The following TRAM1 variants were observed in gnomAD, a reference collection of about 807,000 sequenced individuals.
TRAM1 encodes the protein translocating chain-associated membrane protein 1.
In TRAM1, 17 loss-of-function variants were observed where a neutral mutation model predicts 48.7. That is an observed-to-expected ratio of 0.35 (90% CI 0.24 to 0.52). The LOEUF is 0.52. Among genes scored for constraint, TRAM1 ranks in the 20% least tolerant of loss-of-function variants. The pLI is 0.94. For missense variants in TRAM1, 351 were observed against 441.5 expected (o/e 0.79, Z 1.84); for synonymous variants, 182 against 154.0 (o/e 1.18, Z -1.34).
intron 6 of TRAM1, among the ~76,000 whole-genome samples, chr8:70,593,116 TG>T: frequency 6.6e-6 from 1 of 152,250 alleles, no homozygotes; most frequent in African/African-American, 2.4e-5. Context: ...TCAATATAGC[TG>T]GAGAAACAAT....
Position 70,608,095 on chromosome 8 carries a change from C to T in TRAM1, c.105G>A (p.Leu35=). The change falls in exon 1 of 11, where the codon CTG becomes CTA. Residue 35 remains leucine (L), a synonymous_variant. Coordinates refer to ENST00000262213, the MANE Select transcript of TRAM1 (RefSeq NM_014294.6). The stretch of plus-strand genomic sequence containing the variant: ...GGCTCACCTCAAACATGAGCCCCAG[C>T]AGGAAGACCATCGCCACACAGGAGA... ...DIVSCVAMVF[L]LGLMFEITAK... is the part of the protein sequence containing the mutation. 1.3e-6 allele frequency: 2 copies of T among 1,597,816 alleles called. No homozygotes were observed. The highest frequency in any genetic ancestry group is 1.7e-6 in the Non-Finnish European group (2 of 1,173,262).
chr8:70,605,510 T>G (rs1391158166), intron 1 of TRAM1, among the ~76,000 whole-genome samples: 2 of 152,194 alleles, frequency 1.3e-5, no homozygotes, highest in African/African-American at 4.8e-5. Context: ...CCTCAATGTA[T>G]CTGCACAACA....
At position 70,598,352 on chromosome 8, in the gene TRAM1, C is replaced by T. The variant is rs1817535551; in HGVS notation, c.188-97G>A. 3.2e-6 allele frequency: 4 copies of T among 1,268,952 alleles called. No individual in the cohort carries two copies. In the Admixed American group the frequency reaches 1.1e-4, roughly 36 times the overall value. The allele number at this position is 1,268,952 out of a possible 1,614,324, so 78.6% of individuals were successfully genotyped here. The stretch of plus-strand genomic sequence containing the variant: ...AGTTATGGAAACAAAGAAGAATAAC[C>T]TAATAAAAAAGTTCTATATTAACAT... On this transcript the variant is annotated intron_variant, in intron 2 of 10. Transcript: ENST00000262213.
intron 1 of TRAM1, among the ~76,000 whole-genome samples, chr8:70,604,463 C>A (rs545619475): frequency 6.6e-6 from 1 of 152,258 alleles, no homozygotes; most frequent in African/African-American, 2.4e-5. Context: ...AGGGGAGGAT[C>A]ACTTGAGCCC....
rs1586747265 is a variant in TRAM1 at position 70,575,224 on chromosome 8, A to G, written c.1052-219T>C. 2.6e-5 allele frequency among the ~76,000 whole-genome samples: 4 copies of G among 152,350 alleles called. No homozygotes were observed. The South Asian group carries it at 8.3e-4, about 32-fold the overall frequency. On this transcript the variant is annotated intron_variant, in intron 10 of 10. Transcript: ENST00000262213. ...AGAAAACTACTATTAAAAGCAGAAA[A>G]AAGTGACAGCACAGAAAACTATAAA...
rs750199940 is a variant in TRAM1 at position 70,598,116 on chromosome 8, C to T, written c.309+18G>A. On this transcript the variant is annotated intron_variant, in intron 3 of 10. Coordinates refer to ENST00000262213, the MANE Select transcript of TRAM1 (RefSeq NM_014294.6). ...CTAGTACTTTATAAAGTATAGATTT[C>T]TAAGACTGCATACTTACATCCAACA... 9 of 1,606,530 alleles carry T rather than the reference C, an allele frequency of 5.6e-6. No individual in the cohort carries two copies. Among genetic ancestry groups the T allele is most frequent in the Non-Finnish European group, 6.8e-6 (8 of 1,176,492 alleles).
Position 70,594,539 on chromosome 8 carries a change from A to G in TRAM1, c.537T>C (p.Ala179=). Residue 179 remains alanine (A), a synonymous_variant, in exon 6 of 11, where the codon GCT becomes GCC. Transcript: ENST00000262213. ...YISQLAYWLH[A]FPELYFQKTK... is the part of the protein sequence containing the mutation. ...TTTTCTGGAAGTAGAGTTCAGGAAA[A>G]GCATGAAGCCAGTAAGCCAGCTGTG... 1 of 1,604,070 alleles carries G rather than the reference A, an allele frequency of 6.2e-7. No individual in the cohort carries two copies.
chr8:70,575,949 T>C (rs1018886112), intron 10 of TRAM1, among the ~76,000 whole-genome samples: 1 of 151,064 alleles, frequency 6.6e-6, no homozygotes, highest in African/African-American at 2.4e-5. Context: ...TGGTGGTGGG[T>C]GCCTGTAATC....
intron 9 of TRAM1, 67 bp from the exon 10 acceptor site, chr8:70,583,391 C>A: frequency 1.3e-6 from 2 of 1,491,366 alleles, no homozygotes; most frequent in South Asian, 2.6e-5. Context: ...ATTCTATCAT[C>A]TTTCATAGTA....
intron 2 of TRAM1, among the ~76,000 whole-genome samples, chr8:70,599,377 C>T (rs1018981054): frequency 6.6e-6 from 1 of 152,128 alleles, no homozygotes; most frequent in African/African-American, 2.4e-5. Flanking sequence ...ACTGCCTCAA[C>T]CAAAAAATAC....
At position 70,594,534 on chromosome 8, in the gene TRAM1, G is replaced by T; in HGVS notation, c.542C>A (p.Pro181His). 6.2e-7 allele frequency: 1 copy of T among 1,600,820 alleles called. No homozygotes were observed. Among genetic ancestry groups the T allele is most frequent in the Admixed American group, 1.7e-5 (1 of 58,742 alleles). Residue 181 changes from proline (P) to histidine (H), a missense_variant, in exon 6 of 11, where the codon CCT becomes CAT. Pro to His is a moderately conservative substitution (Grantham distance 77). Coordinates refer to ENST00000262213, the MANE Select transcript of TRAM1 (RefSeq NM_014294.6). ...TTTGGTTTTCTGGAAGTAGAGTTCAGGAAAAGCATGAAGCCAGTAAGCCAG... is the reference window on the plus strand; with the variant it reads ...TTTGGTTTTCTGGAAGTAGAGTTCATGAAAAGCATGAAGCCAGTAAGCCAG... ...SQLAYWLHAFPELYFQKTKKE... is the reference protein window; with the variant it reads ...SQLAYWLHAFHELYFQKTKKE...
chr8:70,589,518 C>T (rs1346165694), intron 6 of TRAM1, among the ~76,000 whole-genome samples: 1 of 152,126 alleles, frequency 6.6e-6, no homozygotes, highest in Non-Finnish European at 1.5e-5. Context: ...GCAGACAGTA[C>T]ACAATGAAAT....
intron 10 of TRAM1, among the ~76,000 whole-genome samples, chr8:70,578,018 C>T (rs1010104408): frequency 6.6e-6 from 1 of 152,228 alleles, no homozygotes; most frequent in Non-Finnish European, 1.5e-5. Flanking sequence ...CCACACACCC[C>T]CTGCTGCTCC....
chr8:70,607,379 G>A (rs73685685), intron 1 of TRAM1: 72,792 of 985,390 alleles, frequency 0.074, 2,809 homozygotes, highest in Middle Eastern at 0.086. Context: ...TCTTTAAAGC[G>A]TCAGGGCAAA....
At chr8:70,602,265 T>A (rs1817620815) in intron 1 of TRAM1, among the ~76,000 whole-genome samples, 1 of 152,146 alleles carries the variant, frequency 6.6e-6, no homozygotes, top group East Asian at 1.9e-4. Flanking sequence ...TGCATTGCAG[T>A]GGACTGAAGA....
At chr8:70,599,482 G>C (rs751254388) in intron 2 of TRAM1, among the ~76,000 whole-genome samples, 7 of 152,050 alleles carry the variant, frequency 4.6e-5, no homozygotes, top group Non-Finnish European at 1.0e-4. Context: ...TAAGAAATAA[G>C]ATTTTTGAAA....
At chr8:70,600,571 A>G (rs1444990496) in intron 1 of TRAM1, among the ~76,000 whole-genome samples, 1 of 152,222 alleles carries the variant, frequency 6.6e-6, no homozygotes, top group Non-Finnish European at 1.5e-5. Flanking sequence ...GACTACTGGT[A>G]AAAGTAAACT....
intron 2 of TRAM1, among the ~76,000 whole-genome samples, chr8:70,599,136 T>C (rs934010239): frequency 1.3e-5 from 2 of 152,120 alleles, no homozygotes; most frequent in East Asian, 3.8e-4. Flanking sequence ...TGTGCCCTTG[T>C]AGTCCCACCT....
intron 10 of TRAM1, among the ~76,000 whole-genome samples, chr8:70,575,600 C>T (rs1028778087): frequency 1.3e-5 from 2 of 151,966 alleles, no homozygotes; most frequent in African/African-American, 4.8e-5. Context: ...TAGTAATGGC[C>T]TTCTTCAAGC....
Sources: allele counts gnomAD v4.1 joint callset (sites outside exome capture counted in the v4.1 genomes callset), GRCh38; gene constraint gnomAD v4.1.1; transcripts MANE v1.5; gene names NCBI Gene and HGNC (gene_info 2026-07-23, HGNC 2026-07-21).